The following LNX2 variants were observed in gnomAD, a reference collection of about 807,000 sequenced individuals.
LNX2 encodes the protein ligand of numb-protein X 2.
In LNX2, 35 loss-of-function variants were observed where a neutral mutation model predicts 66.2. The ratio of observed to expected loss-of-function variants is 0.53; its 90% CI spans 0.40 to 0.70. LNX2 has a LOEUF of 0.70. Ranked by LOEUF, LNX2 falls within the 30% of genes least tolerant of loss-of-function variation. The probability of loss-of-function intolerance (pLI) is 0.00; values close to 1 mark genes in which losing one functional copy is unlikely to be tolerated. For synonymous variants in LNX2, 337 were observed against 315.6 expected (o/e 1.07, Z -0.72); for missense variants, 791 against 850.8 (o/e 0.93, Z 0.87).
intron 1 of LNX2, among the ~76,000 whole-genome samples, chr13:27,583,739 T>C (rs1367252715): frequency 2.0e-5 from 3 of 152,138 alleles, no homozygotes; most frequent in East Asian, 1.9e-4. Flanking sequence ...GACTCTAGAA[T>C]GTACCAAACG....
intron 5 of LNX2, among the ~76,000 whole-genome samples, chr13:27,561,373 T>C (rs1304519302): frequency 6.6e-6 from 1 of 152,106 alleles, no homozygotes. Context: ...CCTCCTCCTC[T>C]TTTCTCCCCT....
chr13:27,591,352 C>T (rs1401258495), intron 1 of LNX2, among the ~76,000 whole-genome samples: 1 of 152,026 alleles, frequency 6.6e-6, no homozygotes, highest in Non-Finnish European at 1.5e-5. Context: ...CACTGTAAAG[C>T]CAGAACTATA....
intron 1 of LNX2, among the ~76,000 whole-genome samples, chr13:27,593,915 A>ATTCTTG (rs1002402369): frequency 6.6e-6 from 1 of 151,516 alleles, no homozygotes; most frequent in African/African-American, 2.4e-5. Flanking sequence ...AAATTATACC[A>ATTCTTG]TTCTTGTTCT....
At chr13:27,570,442 G>A (rs1332307813) in intron 2 of LNX2, among the ~76,000 whole-genome samples, 1 of 152,042 alleles carries the variant, frequency 6.6e-6, no homozygotes, top group African/African-American at 2.4e-5. Context: ...TTTAAATCCT[G>A]GATTTCAAGT....
intron 1 of LNX2, among the ~76,000 whole-genome samples, chr13:27,600,010 A>G (rs1004993763): frequency 6.6e-6 from 1 of 152,172 alleles, no homozygotes; most frequent in Non-Finnish European, 1.5e-5. Context: ...GTTTTCCCCT[A>G]TCAGTTAGCC....
At chr13:27,588,037 A>C (rs1234517225) in intron 1 of LNX2, among the ~76,000 whole-genome samples, 2 of 150,030 alleles carry the variant, frequency 1.3e-5, no homozygotes, top group East Asian at 3.9e-4. Flanking sequence ...AAAAAAAAAA[A>C]AAAAAAAAAA....
At chr13:27,601,014 A>G (rs1955652354) in intron 1 of LNX2, among the ~76,000 whole-genome samples, 1 of 152,226 alleles carries the variant, frequency 6.6e-6, no homozygotes, top group Non-Finnish European at 1.5e-5. Context: ...ATACTCAAAC[A>G]ACCCGGAAGA....
rs1216995640 is a variant in LNX2 at position 27,553,434 on chromosome 13, C to T, written c.1552G>A (p.Val518Met). The change falls in exon 8 of 10, where the codon GTG (valine) becomes ATG (methionine). Residue 518 changes from valine to methionine, a missense_variant. Coordinates refer to ENST00000316334, the MANE Select transcript of LNX2 (RefSeq NM_153371.4). ...ARDGRIKRGD[V>M]LLNINGIDLT... ...TCAATGCCGTTGATATTTAGCAACA[C>T]ATCACCTGTTCAGATGAAGAAACAA... is the stretch of plus-strand genomic sequence containing the variant. 6.2e-7 allele frequency: 1 copy of T among 1,612,640 alleles called. No homozygotes were observed. The highest frequency in any genetic ancestry group is 1.1e-5 in the South Asian group (1 of 91,048).
intron 2 of LNX2, 69 bp from the exon 3 acceptor site, chr13:27,569,345 G>A: frequency 6.6e-7 from 1 of 1,519,098 alleles, no homozygotes; most frequent in South Asian, 1.3e-5. Flanking sequence ...ATAGGGAGGG[G>A]GACTAATAGC....
At chr13:27,593,712 C>T (rs908674187) in intron 1 of LNX2, among the ~76,000 whole-genome samples, 15 of 150,434 alleles carry the variant, frequency 1.0e-4, no homozygotes, top group South Asian at 2.1e-4. Flanking sequence ...GGATTACAGG[C>T]GCCCACCACC....
At chr13:27,611,647 G>C (rs578143382) in intron 1 of LNX2, among the ~76,000 whole-genome samples, 1 of 152,216 alleles carries the variant, frequency 6.6e-6, no homozygotes, top group Admixed American at 6.5e-5. Flanking sequence ...TCATAATTTT[G>C]GTAGAATTTA....
chr13:27,587,928 G>A (rs1307974344), intron 1 of LNX2, among the ~76,000 whole-genome samples: 6 of 149,984 alleles, frequency 4.0e-5, no homozygotes, highest in Non-Finnish European at 8.9e-5. Context: ...GGCTGAGGCA[G>A]AAGAATGGCG....
At chr13:27,608,262 C>CT (rs1459188910) in intron 1 of LNX2, among the ~76,000 whole-genome samples, 3 of 152,196 alleles carry the variant, frequency 2.0e-5, no homozygotes, top group Non-Finnish European at 4.4e-5. Context: ...TGTCACAACT[C>CT]TATGCTTTTG....
chr13:27,581,580 T>C lies in LNX2; in HGVS notation c.124A>G (p.Asn42Asp), dbSNP rs902264429. 8 of 1,614,092 alleles carry C rather than the reference T, an allele frequency of 5.0e-6. No individual in the cohort carries two copies. The highest frequency in any genetic ancestry group is 6.8e-6 in the Non-Finnish European group (8 of 1,180,050). The change falls in exon 2 of 10, where the codon AAT becomes GAT. Residue 42 changes from asparagine (N) to aspartate (D), a missense_variant. By Grantham distance (23) the Asn-to-Asp change is conservative. Coordinates refer to ENST00000316334, the MANE Select transcript of LNX2 (RefSeq NM_153371.4). ...CAGACTAGGTCATCATCCACTTCATTCTGGTAATTGTACAAATGGTTTTCT... is the reference window on the plus strand; with the variant it reads ...CAGACTAGGTCATCATCCACTTCATCCTGGTAATTGTACAAATGGTTTTCT... ...TRENHLYNYQ[N>D]EVDDDLVCHI... is the part of the protein sequence containing the mutation.
intron 9 of LNX2, among the ~76,000 whole-genome samples, chr13:27,549,526 C>T: frequency 6.6e-6 from 1 of 152,154 alleles, no homozygotes; most frequent in Non-Finnish European, 1.5e-5. Flanking sequence ...GCCAGATAGT[C>T]CTGGGTTTGA....
rs1566117649 is a variant in LNX2, at chr13:27,562,573, A to G, written c.1064T>C (p.Leu355Ser). 1 of 1,614,144 alleles carries G rather than the reference A, an allele frequency of 6.2e-7. No individual in the cohort carries two copies. Among genetic ancestry groups the G allele is most frequent in the Non-Finnish European group, 8.5e-7 (1 of 1,180,032 alleles). Reference sequence around the variant, plus strand: ...CCCTGGCTCATCTGTCCTTCGCACCAATTTAATGCCAAGCTGTTCACCAGA... The same window carrying G: ...CCCTGGCTCATCTGTCCTTCGCACCGATTTAATGCCAAGCTGTTCACCAGA... The part of the protein sequence containing the change: ...RDSGEQLGIK[L>S]VRRTDEPGVF... The change falls in exon 5 of 10, where the codon TTG becomes TCG. Residue 355 changes from leucine (L) to serine (S), a missense_variant. Leu to Ser is a moderately radical substitution (Grantham distance 145). Transcript: ENST00000316334.
chr13:27,575,303 T>C (rs1441055534), intron 2 of LNX2, among the ~76,000 whole-genome samples: 5 of 152,196 alleles, frequency 3.3e-5, no homozygotes, highest in Non-Finnish European at 5.9e-5. Flanking sequence ...AGTTTTTGTA[T>C]ACTACTTGTG....
chr13:27,600,045 C>T (rs901619813), intron 1 of LNX2, among the ~76,000 whole-genome samples: 1 of 152,154 alleles, frequency 6.6e-6, no homozygotes, highest in East Asian at 1.9e-4. Flanking sequence ...CTAACAGGCA[C>T]ATCAGTTATG....
At chr13:27,560,565 G>GCATATATATATATA (rs1242930383) in intron 5 of LNX2, among the ~76,000 whole-genome samples, 3 of 119,994 alleles carry the variant, frequency 2.5e-5, no homozygotes, top group East Asian at 2.2e-4. Context: ...ATGTATGTGT[G>GCATATATATATATA]TATATATATA....
Sources: gnomAD v4.1 joint callset for allele counts (sites outside exome capture counted in the v4.1 genomes callset) on GRCh38, gnomAD v4.1.1 for gene constraint, MANE v1.5 for transcripts, NCBI Gene and HGNC (gene_info 2026-07-23, HGNC 2026-07-21) for gene names.